Variants in IMMP2L observed in about 807,000 individuals in gnomAD.
IMMP2L encodes the protein inner mitochondrial membrane peptidase subunit 2, also known as mitochondrial inner membrane protease subunit 2.
Under a neutral mutation model 19.3 loss-of-function variants are expected in IMMP2L, and 18 were observed. The observed-to-expected ratio is 0.93, with a 90% CI of 0.64 to 1.38. The LOEUF (loss-of-function observed/expected upper bound fraction) is 1.38, where lower values mean the gene tolerates loss of function less well. Ranked by LOEUF, IMMP2L falls within the 40% of genes most tolerant of loss-of-function variation. The pLI is 0.00. For synonymous variants in IMMP2L, 76 were observed against 73.0 expected, an observed-to-expected ratio of 1.04 and a Z score of -0.21; for missense variants, 233 against 218.2, an observed-to-expected ratio of 1.07 and a Z score of -0.43.
intron 3 of IMMP2L, among the ~76,000 whole-genome samples, chr7:111,040,028 G>T (rs1329500589): frequency 6.6e-6 from 1 of 152,184 alleles, no homozygotes; most frequent in Non-Finnish European, 1.5e-5. Context: ...AGCTGGGCGT[G>T]GTGGCACATG....
chr7:111,085,460 C>T (rs1183094137), intron 3 of IMMP2L, among the ~76,000 whole-genome samples: 2 of 152,062 alleles, frequency 1.3e-5, no homozygotes, highest in African/African-American at 2.4e-5. Context: ...TGTGGGTTTG[C>T]GTCCCATTAA....
chr7:111,225,561 C>G (rs898329640), intron 3 of IMMP2L, among the ~76,000 whole-genome samples: 16 of 151,660 alleles, frequency 1.1e-4, no homozygotes, highest in African/African-American at 2.9e-4. Flanking sequence ...TGTAAATAGT[C>G]TATAGGAAAG....
intron 3 of IMMP2L, among the ~76,000 whole-genome samples, chr7:111,303,808 C>T (rs1822528666): frequency 6.6e-6 from 1 of 151,916 alleles, no homozygotes. Context: ...TTCATAAATG[C>T]TTTTTGGTGA....
intron 5 of IMMP2L, among the ~76,000 whole-genome samples, chr7:110,697,101 T>C (rs1793948140): frequency 6.6e-6 from 1 of 152,156 alleles, no homozygotes; most frequent in Admixed American, 6.5e-5. Flanking sequence ...GCCAACTAGT[T>C]ATGCCAAATT....
chr7:111,091,746 G>T (rs534023881), intron 3 of IMMP2L, among the ~76,000 whole-genome samples: 2 of 152,070 alleles, frequency 1.3e-5, no homozygotes, highest in Non-Finnish European at 2.9e-5. Flanking sequence ...CCCATTAGAG[G>T]ATGTGAGTGG....
chr7:110,762,825 A>T (rs1295515536), intron 5 of IMMP2L, among the ~76,000 whole-genome samples: 1 of 152,148 alleles, frequency 6.6e-6, no homozygotes, highest in Non-Finnish European at 1.5e-5. Flanking sequence ...AAAATAAAAG[A>T]TAATGTTCGG....
chr7:110,887,535 G>A (rs770697349), intron 4 of IMMP2L, among the ~76,000 whole-genome samples: 3 of 150,962 alleles, frequency 2.0e-5, no homozygotes, highest in East Asian at 1.9e-4. Flanking sequence ...AAATAAAATC[G>A]GAAATATAGA....
chr7:111,526,052 G>A (rs1035661194), intron 1 of IMMP2L, among the ~76,000 whole-genome samples: 7 of 151,270 alleles, frequency 4.6e-5, no homozygotes, highest in Non-Finnish European at 8.8e-5. Context: ...TAACATATAT[G>A]AAGGCCTAGG....
chr7:111,528,766 G>C (rs1847123302), intron 1 of IMMP2L, among the ~76,000 whole-genome samples: 1 of 152,082 alleles, frequency 6.6e-6, no homozygotes, highest in South Asian at 2.1e-4. Context: ...TTGTGTGGGA[G>C]GTTTGAAGGT....
At chr7:110,995,143 C>A in intron 3 of IMMP2L, among the ~76,000 whole-genome samples, 1 of 151,964 alleles carries the variant, frequency 6.6e-6, no homozygotes, top group African/African-American at 2.4e-5. Context: ...AGAACTCAGA[C>A]ATAAGGATCA....
intron 4 of IMMP2L, among the ~76,000 whole-genome samples, chr7:110,918,815 A>ATAATTTCTC: frequency 6.6e-6 from 1 of 152,176 alleles, no homozygotes; most frequent in East Asian, 1.9e-4. Flanking sequence ...GTCATTAAAA[A>ATAATTTCTC]TAATTTCTCT....
intron 1 of IMMP2L, among the ~76,000 whole-genome samples, chr7:111,560,591 G>C (rs1358826367): frequency 6.6e-6 from 1 of 152,172 alleles, no homozygotes; most frequent in Non-Finnish European, 1.5e-5. Context: ...CCACAACACT[G>C]TATAGACCTG....
rs531288942 is a variant in IMMP2L, at chr7:110,949,093, A to G, written c.305+14407T>C. Among the ~76,000 whole-genome samples, 195 of 152,270 alleles carry G rather than the reference A, an allele frequency of 1.3e-3. 1 individual carries two copies. Among genetic ancestry groups the G allele is most frequent in the African/African-American group, 4.3e-3 (180 of 41,568 alleles). On this transcript the variant is annotated intron_variant, in intron 4 of 5. Coordinates refer to ENST00000405709, the MANE Select transcript of IMMP2L (RefSeq NM_032549.4). Reference sequence around the variant, plus strand: ...GAGACATTTCGGCTTAGACTGAGCCATGCTATGGGCACTTCAGGGTCTCCA... The same window carrying G: ...GAGACATTTCGGCTTAGACTGAGCCGTGCTATGGGCACTTCAGGGTCTCCA...
chr7:111,210,933 T>C (rs991956082), intron 3 of IMMP2L, among the ~76,000 whole-genome samples: 4 of 152,130 alleles, frequency 2.6e-5, no homozygotes, highest in African/African-American at 9.7e-5. Context: ...TACCTGGACC[T>C]ACCCTGGATA....
At chr7:111,087,663 T>A (rs1352745383) in intron 3 of IMMP2L, among the ~76,000 whole-genome samples, 3 of 152,062 alleles carry the variant, frequency 2.0e-5, no homozygotes, top group Non-Finnish European at 4.4e-5. Flanking sequence ...ATATACTCCC[T>A]CTAGGAGAAT....
intron 5 of IMMP2L, among the ~76,000 whole-genome samples, chr7:110,799,957 T>C (rs1045202220): frequency 2.0e-5 from 3 of 152,208 alleles, no homozygotes; most frequent in South Asian, 2.1e-4. Flanking sequence ...TTCATTTCCA[T>C]AAATGTTCCC....
intron 3 of IMMP2L, among the ~76,000 whole-genome samples, chr7:111,042,756 A>G (rs1792020514): frequency 1.3e-5 from 2 of 152,232 alleles, no homozygotes; most frequent in Non-Finnish European, 1.5e-5. Context: ...AGGATTTTAA[A>G]GAAGCTTACA....
intron 3 of IMMP2L, among the ~76,000 whole-genome samples, chr7:111,029,241 A>G (rs1470185231): frequency 6.6e-6 from 1 of 152,164 alleles, no homozygotes; most frequent in African/African-American, 2.4e-5. Context: ...CATGGGACAT[A>G]GTTCAAGGAT....
At chr7:111,349,336 T>C (rs1287732429) in intron 3 of IMMP2L, among the ~76,000 whole-genome samples, 1 of 152,062 alleles carries the variant, frequency 6.6e-6, no homozygotes, top group African/African-American at 2.4e-5. Flanking sequence ...GTAACCAAAA[T>C]GCATGAAACA....
Sources: allele counts gnomAD v4.1 joint callset (sites outside exome capture counted in the v4.1 genomes callset), GRCh38; gene constraint gnomAD v4.1.1; transcripts MANE v1.5; gene names NCBI Gene and HGNC (gene_info 2026-07-23, HGNC 2026-07-21).